Variants in DMPK observed in about 807,000 individuals in gnomAD.
DMPK encodes the protein DM1 protein kinase, also known as myotonin-protein kinase.
DMPK carries 32 observed loss-of-function variants against 70.3 expected under a neutral mutation model. The observed-to-expected ratio is 0.46, with a 90% CI of 0.34 to 0.61. The LOEUF is 0.61. Ranked by LOEUF, DMPK falls within the 20% of genes least tolerant of loss-of-function variation. The probability of loss-of-function intolerance (pLI) is 0.01; values close to 1 mark genes in which losing one functional copy is unlikely to be tolerated. For synonymous variants in DMPK, 469 were observed against 390.9 expected, an observed-to-expected ratio of 1.20 and a Z score of -2.36; for missense variants, 899 against 886.0, an observed-to-expected ratio of 1.01 and a Z score of -0.19.
At chr19:45,772,084 C>G (rs1020367337) in intron 10 of DMPK, among the ~76,000 whole-genome samples, 156 bp from the exon 11 acceptor site, 1 of 152,182 alleles carries the variant, frequency 6.6e-6, no homozygotes, top group African/African-American at 2.4e-5. Context: ...TCCAAGCCCC[C>G]TCCCTTCCCT....
chr19:45,772,026 T>C, intron 10 of DMPK, 98 bp from the exon 11 acceptor site: 3 of 1,408,524 alleles, frequency 2.1e-6, no homozygotes, highest in South Asian at 2.9e-5. Context: ...TATCCCCTAC[T>C]CCTCCGTCCC....
At chr19:45,774,731 C>CG (rs1969681290) in intron 9 of DMPK, among the ~76,000 whole-genome samples, 1 of 152,166 alleles carries the variant, frequency 6.6e-6, no homozygotes, top group Non-Finnish European at 1.5e-5. Context: ...CTGGGAAGCC[C>CG]AGTCTGTGAC....
At chr19:45,775,819 T>C (rs1188079581) in intron 8 of DMPK, among the ~76,000 whole-genome samples, 1 of 68,140 alleles carries the variant, frequency 1.5e-5, no homozygotes. Flanking sequence ...TGCCCAACCC[T>C]TTTTTTTTTT....
intron 11 of DMPK, 46 bp from the exon 12 acceptor site, chr19:45,771,711 G>C (rs758679761): frequency 1.1e-5 from 17 of 1,609,964 alleles, no homozygotes; most frequent in Admixed American, 3.4e-5. Flanking sequence ...CGGACGAGAG[G>C]GGATGCCAAG....
At position 45,771,036 on chromosome 19, in the gene DMPK, C is replaced by G; in HGVS notation, c.1672G>C (p.Val558Leu). Residue 558 changes from valine (V) to leucine (L), a missense_variant, in exon 14 of 15, where the codon GTG becomes CTG. Physicochemically the swap from Val to Leu is conservative, Grantham distance 32. Transcript: ENST00000291270. ...SHLDGPPAVA[V>L]GQCPLVGPGP... is the part of the protein sequence containing the mutation. ...GGCCCCACCAGCGGGCACTGGCCCA[C>G]AGCCACGGCCGGGGGGCCATCTAGC... 6.6e-7 allele frequency: 1 copy of G among 1,504,826 alleles called. No individual in the cohort carries two copies. The highest frequency in any genetic ancestry group is 8.9e-7 in the Non-Finnish European group (1 of 1,128,822). The allele number at this position is 1,504,826 out of a possible 1,614,324, so 93.2% of individuals were successfully genotyped here.
chr19:45,771,295 G>A (rs112693590), intron 13 of DMPK, 55 bp downstream of exon 13: 70,908 of 1,549,104 alleles, frequency 0.046, 1,942 homozygotes, highest in Non-Finnish European at 0.052. Context: ...GAGCCAGGGA[G>A]GGGATCTGCA....
chr19:45,780,070 T>C, intron 1 of DMPK: 2 of 1,517,072 alleles, frequency 1.3e-6, no homozygotes. Context: ...AGAGGTGAGA[T>C]GCCTGAGAAG....
At position 45,782,298 on chromosome 19, in the gene DMPK, A is replaced by C. The variant is rs762721322; in HGVS notation, c.55T>G (p.Phe19Val). The C allele has an allele frequency of 6.3e-7, 1 of 1,595,516 alleles. No homozygotes were observed. The highest frequency in any genetic ancestry group is 8.5e-7 in the Non-Finnish European group (1 of 1,172,150). The change falls in exon 1 of 15, where the codon TTC becomes GTC. Residue 19 changes from phenylalanine (F) to valine (V), a missense_variant. Around this residue, in one of 3 missense-constraint regions of DMPK, gnomAD observed 149 missense variants for 142.5 expected, o/e 1.05. Coordinates refer to ENST00000291270, the MANE Select transcript of DMPK (RefSeq NM_004409.5). ...TCGAGCAGGGGCTCCAGCCCCAGGA[A>C]GCCCGGGTCCAACACCAGCTGCTGG... ...RLQQLVLDPGFLGLEPLLDLL... is the reference protein window; with the variant it reads ...RLQQLVLDPGVLGLEPLLDLL...
intron 1 of DMPK, chr19:45,780,261 C>A: frequency 6.7e-7 from 1 of 1,503,540 alleles, no homozygotes; most frequent in South Asian, 1.3e-5. Flanking sequence ...CAGGGCCCCA[C>A]CCCCACGTTC....
Position 45,777,610 on chromosome 19 carries a change from G to A in DMPK, c.883-20C>T, listed in dbSNP as rs1464649550. ...GTGCTCCTGCTCAGAGGGAGAGGAGGCGATAGCCTGGGAGCGCCTACCGGG... is the reference window on the plus strand; with the variant it reads ...GTGCTCCTGCTCAGAGGGAGAGGAGACGATAGCCTGGGAGCGCCTACCGGG... On this transcript the variant is annotated intron_variant, in intron 7 of 14. Coordinates refer to ENST00000291270, the MANE Select transcript of DMPK (RefSeq NM_004409.5). This position sits in a 1 kb window ranked among gnomAD's most constrained non-coding sequence, Gnocchi z 6.7. The A allele has an allele frequency of 5.0e-6, 8 of 1,613,106 alleles. No homozygotes were observed. Among genetic ancestry groups the A allele is most frequent in the Admixed American group, 3.3e-5 (2 of 59,982 alleles).
At chr19:45,780,717 T>G in intron 1 of DMPK, 1 of 670,300 alleles carries the variant, frequency 1.5e-6, no homozygotes, top group African/African-American at 2.0e-5. Context: ...CAGTGGGTTC[T>G]GGAGGAAAGA....
In DMPK at chr19:45,770,018, C is replaced by A; in HGVS notation, c.*470G>T. 2.7e-6 allele frequency: 1 copy of A among 375,646 alleles called. No individual in the cohort carries two copies. The highest frequency in any genetic ancestry group is 2.7e-5 in the South Asian group (1 of 37,038). 23.3% of individuals were successfully genotyped at this position (375,646 alleles called of 1,614,324 possible). A position where few individuals can be genotyped will look rare whatever the true frequency, so the allele number is the denominator to read the frequency against. On this transcript the variant is annotated 3_prime_UTR_variant, in exon 15 of 15. Coordinates refer to ENST00000291270, the MANE Select transcript of DMPK (RefSeq NM_004409.5). ...CCCGAGTAAGCAGGCAGAGATCGCG[C>A]CAGACGCTCCCCAGAGCAGGGCGTC...
Position 45,771,388 on chromosome 19 carries a change from C to T in DMPK, c.1609G>A (p.Gly537Arg). 2 of 1,606,426 alleles carry T rather than the reference C, an allele frequency of 1.2e-6. No homozygotes were observed. Among genetic ancestry groups the T allele is most frequent in the Non-Finnish European group, 1.7e-6 (2 of 1,177,658 alleles). The change falls in exon 13 of 15, where the codon GGG (glycine) becomes AGG (arginine). Residue 537 changes from glycine to arginine, a missense_variant. Around this residue, in one of 3 missense-constraint regions of DMPK, gnomAD observed 555 missense variants for 483.8 expected, o/e 1.15. Transcript: ENST00000291270. Reference protein sequence around the residue: ...LQAEGATAVTGVPSPRATDPP... With the variant: ...LQAEGATAVTRVPSPRATDPP... ...TCCGTGGCCCGGGGACTGGGGACCCCCGTGACAGCTGGAAGGAGAAGAAAG... is the reference window on the plus strand; with the variant it reads ...TCCGTGGCCCGGGGACTGGGGACCCTCGTGACAGCTGGAAGGAGAAGAAAG...
Position 45,777,189 on chromosome 19 carries a change from G to T in DMPK, c.1146+138C>A. 1 of 1,255,160 alleles carries T rather than the reference G, an allele frequency of 8.0e-7. No individual in the cohort carries two copies. Among genetic ancestry groups the T allele is most frequent in the South Asian group, 1.6e-5 (1 of 63,122 alleles). 77.8% of individuals were successfully genotyped at this position (1,255,160 alleles called of 1,614,324 possible). A position where few individuals can be genotyped will look rare whatever the true frequency, so the allele number is the denominator to read the frequency against. ...AGTCTAGGTCACTGCTGGGTCCTCA[G>T]TAGTAGATGGGCACAGAGCAGGTGC... is the stretch of plus-strand genomic sequence containing the variant. On this transcript the variant is annotated intron_variant, in intron 8 of 14. Coordinates refer to ENST00000291270, the MANE Select transcript of DMPK (RefSeq NM_004409.5). This position sits in a 1 kb window ranked among gnomAD's most constrained non-coding sequence, Gnocchi z 6.7.
chr19:45,779,985 AG>A, intron 1 of DMPK, 116 bp from the exon 2 acceptor site: 1 of 1,567,768 alleles, frequency 6.4e-7, no homozygotes. Context: ...GCTTCACCCT[AG>A]GACTGTCTGC....
At chr19:45,772,526 G>T in intron 10 of DMPK, 115 bp downstream of exon 10, 1 of 614,908 alleles carries the variant, frequency 1.6e-6, no homozygotes, top group Non-Finnish European at 2.7e-6. Context: ...CGTGGTTTCT[G>T]TCTGCTTCTG....
Position 45,777,305 on chromosome 19 carries a change from A to G in DMPK, c.1146+22T>C. On this transcript the variant is annotated intron_variant, in intron 8 of 14. Coordinates refer to ENST00000291270, the MANE Select transcript of DMPK (RefSeq NM_004409.5). This position sits in a 1 kb window ranked among gnomAD's most constrained non-coding sequence, Gnocchi z 6.7. ...GAGCATGGGGAGGTTCCCGCAGCCG[A>G]GCAGGGGCCACAGGTACCTACCCCG... 3 of 1,541,810 alleles carry G rather than the reference A, an allele frequency of 1.9e-6. No individual in the cohort carries two copies. The highest frequency in any genetic ancestry group is 2.6e-6 in the Non-Finnish European group (3 of 1,143,400).
At chr19:45,774,365 C>A (rs1386856972) in intron 9 of DMPK, among the ~76,000 whole-genome samples, 1 of 150,262 alleles carries the variant, frequency 6.7e-6, no homozygotes, top group Non-Finnish European at 1.5e-5. Flanking sequence ...CGGGTTCATG[C>A]CATTCTCCTG....
At chr19:45,770,847 G>T in intron 14 of DMPK, 124 bp downstream of exon 14, 1 of 980,860 alleles carries the variant, frequency 1.0e-6, no homozygotes, top group Non-Finnish European at 1.4e-6. Context: ...GTGTTGATTG[G>T]CTGCCCGAAG....
Sources: gnomAD v4.1 joint callset for allele counts (sites outside exome capture counted in the v4.1 genomes callset) on GRCh38, gnomAD v4.1.1 for gene constraint, gnomAD v4.1.1 regional missense constraint, Gnocchi (gnomAD v3.1) non-coding constraint, MANE v1.5 for transcripts, NCBI Gene and HGNC (gene_info 2026-07-23, HGNC 2026-07-21) for gene names.